LRRTM4: variants seen among roughly 807,000 people sequenced by gnomAD.
LRRTM4 encodes leucine rich repeat transmembrane neuronal 4.
In LRRTM4, 25 loss-of-function variants were observed where a neutral mutation model predicts 47.6. The observed-to-expected ratio is 0.53, with a 90% confidence interval of 0.38 to 0.73. The LOEUF is 0.73. LRRTM4 is among the 30% of genes least tolerant of loss of function. The probability of loss-of-function intolerance (pLI) is 0.00; values close to 1 mark genes in which losing one functional copy is unlikely to be tolerated. For missense variants in LRRTM4, 638 were observed against 713.4 expected, an observed-to-expected ratio of 0.89 and a Z score of 1.20; for synonymous variants, 311 against 269.5, an observed-to-expected ratio of 1.15 and a Z score of -1.51.
At chr2:77,250,602 C>A (rs78189182) in intron 3 of LRRTM4, among the ~76,000 whole-genome samples, 4,704 of 152,114 alleles carry the variant, frequency 0.031, 270 homozygotes, top group African/African-American at 0.11. Context: ...TTTAAATGTA[C>A]ATATATGCAT....
chr2:77,431,298 G>A (rs1384418050), intron 3 of LRRTM4, among the ~76,000 whole-genome samples: 1 of 148,626 alleles, frequency 6.7e-6, no homozygotes, highest in Non-Finnish European at 1.5e-5. Context: ...AAGCTGGAAA[G>A]TACAAATTCA....
rs150747320 is a variant in LRRTM4, at chr2:77,452,966, C to A, written c.1551+65352G>T. On this transcript the variant is annotated intron_variant, in intron 3 of 3. Coordinates refer to ENST00000409884, the MANE Select transcript of LRRTM4 (RefSeq NM_001134745.3). ...AAATTTGTTGATAATTTCTATGTGACCTTATATATAAACTTATATAAAAAT... is the reference window on the plus strand; with the variant it reads ...AAATTTGTTGATAATTTCTATGTGAACTTATATATAAACTTATATAAAAAT... 2.8e-3 allele frequency among the ~76,000 whole-genome samples: 426 copies of A among 151,910 alleles called. 2 individuals carry two copies. Among genetic ancestry groups the A allele is most frequent in the African/African-American group, 8.9e-3 (367 of 41,414 alleles).
At chr2:76,960,287 T>G (rs986015402) in intron 3 of LRRTM4, among the ~76,000 whole-genome samples, 28 of 151,696 alleles carry the variant, frequency 1.8e-4, no homozygotes, top group African/African-American at 6.8e-4. Flanking sequence ...TAACAGTATA[T>G]GTATTTGCAC....
At chr2:76,830,507 A>AGT (rs1156915796) in intron 3 of LRRTM4, among the ~76,000 whole-genome samples, 5 of 119,080 alleles carry the variant, frequency 4.2e-5, no homozygotes, top group Admixed American at 9.3e-5. Flanking sequence ...TATGTGTGGC[A>AGT]GTGTGTGCGT....
At chr2:76,853,338 T>A (rs1180837923) in intron 3 of LRRTM4, among the ~76,000 whole-genome samples, 1 of 152,126 alleles carries the variant, frequency 6.6e-6, no homozygotes, top group Non-Finnish European at 1.5e-5. Flanking sequence ...CCCTCTAGAT[T>A]GTTTTTCCTT....
At chr2:76,805,695 G>A (rs1006906579) in intron 3 of LRRTM4, among the ~76,000 whole-genome samples, 2 of 152,022 alleles carry the variant, frequency 1.3e-5, no homozygotes, top group East Asian at 1.9e-4. Context: ...TACTAATGAC[G>A]CATACCATGT....
At chr2:76,998,719 C>G (rs981257250) in intron 3 of LRRTM4, among the ~76,000 whole-genome samples, 1 of 151,478 alleles carries the variant, frequency 6.6e-6, no homozygotes, top group Non-Finnish European at 1.5e-5. Context: ...AAAACAGTCA[C>G]TGTCACAATC....
intron 3 of LRRTM4, among the ~76,000 whole-genome samples, chr2:77,390,155 C>A (rs1349680532): frequency 6.6e-6 from 1 of 152,026 alleles, no homozygotes; most frequent in African/African-American, 2.4e-5. Context: ...CCCCAGGAAA[C>A]ACTTTTCAAC....
chr2:77,435,218 G>A (rs1233607003), intron 3 of LRRTM4, among the ~76,000 whole-genome samples: 1 of 152,052 alleles, frequency 6.6e-6, no homozygotes, highest in Non-Finnish European at 1.5e-5. Context: ...TGACTGAGTG[G>A]CCAAAGGACC....
chr2:76,906,855 G>C (rs1673858753), intron 3 of LRRTM4, among the ~76,000 whole-genome samples: 1 of 149,768 alleles, frequency 6.7e-6, no homozygotes, highest in African/African-American at 2.5e-5. Context: ...AGCAAGTCCT[G>C]AGTGACCTAC....
intron 3 of LRRTM4, among the ~76,000 whole-genome samples, chr2:76,905,119 C>T (rs995329581): frequency 2.0e-5 from 3 of 152,104 alleles, no homozygotes; most frequent in Admixed American, 2.0e-4. Flanking sequence ...CAGACTGACA[C>T]CTCACATGGC....
rs1367696019 is a variant in LRRTM4, at chr2:77,348,269, G to C, written c.1551+170049C>G. ...ACAAAAGTGGAAGAAATTATAAAAG[G>C]ATTCAGAGTTTGAAAGGTTTTCATA... On this transcript the variant is annotated intron_variant, in intron 3 of 3. Coordinates refer to ENST00000409884, the MANE Select transcript of LRRTM4 (RefSeq NM_001134745.3). Among the ~76,000 whole-genome samples the C allele has an allele frequency of 5.9e-5, 9 of 151,542 alleles. 1 individual carries two copies. The highest frequency in any genetic ancestry group is 5.3e-4 in the Admixed American group (8 of 15,224).
At chr2:77,373,326 T>C (rs1573327960) in intron 3 of LRRTM4, among the ~76,000 whole-genome samples, 1 of 151,584 alleles carries the variant, frequency 6.6e-6, no homozygotes, top group East Asian at 1.9e-4. Flanking sequence ...AAAACTTAAA[T>C]ATGTTTTCTG....
chr2:76,950,716 G>GA (rs1675466575), intron 3 of LRRTM4, among the ~76,000 whole-genome samples: 1 of 151,844 alleles, frequency 6.6e-6, no homozygotes. Context: ...TTTTAATGTT[G>GA]AAAAGAGGAA....
chr2:77,236,874 T>G (rs1675116612), intron 3 of LRRTM4, among the ~76,000 whole-genome samples: 1 of 152,156 alleles, frequency 6.6e-6, no homozygotes, highest in South Asian at 2.1e-4. Flanking sequence ...CTAAGTCTAC[T>G]AGATCATGGT....
intron 3 of LRRTM4, among the ~76,000 whole-genome samples, chr2:77,090,753 G>T (rs1670595279): frequency 6.6e-6 from 1 of 152,148 alleles, no homozygotes; most frequent in Non-Finnish European, 1.5e-5. Flanking sequence ...AAATCGGACT[G>T]TTCAACTTAC....
chr2:77,143,168 A>G (rs920028137), intron 3 of LRRTM4, among the ~76,000 whole-genome samples: 1 of 152,132 alleles, frequency 6.6e-6, no homozygotes, highest in Non-Finnish European at 1.5e-5. Context: ...TCTTATCTCC[A>G]TTTTACAGTT....
chr2:77,438,294 T>C (rs1172867185), intron 3 of LRRTM4, among the ~76,000 whole-genome samples: 1 of 151,986 alleles, frequency 6.6e-6, no homozygotes, highest in Non-Finnish European at 1.5e-5. Flanking sequence ...TGTTTTTATA[T>C]ATATTTTGAA....
chr2:76,777,275 GT>G (rs1275241205), intron 3 of LRRTM4, among the ~76,000 whole-genome samples: 1 of 146,448 alleles, frequency 6.8e-6, no homozygotes, highest in Non-Finnish European at 1.5e-5. Context: ...CTTTAAAGTA[GT>G]TTTTTCCAAT....
Sources: gnomAD v4.1 joint callset for allele counts (sites outside exome capture counted in the v4.1 genomes callset) on GRCh38, gnomAD v4.1.1 for gene constraint, MANE v1.5 for transcripts, NCBI Gene and HGNC (gene_info 2026-07-23, HGNC 2026-07-21) for gene names.